STXBP5L: variants seen among roughly 807,000 people sequenced by gnomAD.
STXBP5L encodes syntaxin binding protein 5L.
In STXBP5L, 65 loss-of-function variants were observed where a neutral mutation model predicts 144.5. The ratio of observed to expected loss-of-function variants is 0.45; its 90% confidence interval spans 0.37 to 0.55. STXBP5L has a LOEUF of 0.55. Among genes scored for constraint, STXBP5L ranks in the 20% least tolerant of loss-of-function variants. The probability of loss-of-function intolerance (pLI) is 0.00; values close to 1 mark genes in which losing one functional copy is unlikely to be tolerated. For missense variants in STXBP5L, 1,298 were observed against 1,405.5 expected, an observed-to-expected ratio of 0.92 and a Z score of 1.22; for synonymous variants, 505 against 469.6, an observed-to-expected ratio of 1.08 and a Z score of -0.97.
intron 20 of STXBP5L, among the ~76,000 whole-genome samples, chr3:121,367,621 T>TTA (rs2045902409): frequency 6.9e-6 from 1 of 144,840 alleles, no homozygotes; most frequent in African/African-American, 2.6e-5. Context: ...TTTTTTTTTT[T>TTA]TAAACAGGTT....
chr3:121,096,281 G>T (rs1312322145), intron 5 of STXBP5L, among the ~76,000 whole-genome samples: 1 of 152,172 alleles, frequency 6.6e-6, no homozygotes, highest in African/African-American at 2.4e-5. Context: ...TTCTTAGCTT[G>T]CTTGCATTGG....
intron 3 of STXBP5L, among the ~76,000 whole-genome samples, chr3:120,974,403 T>A (rs1940678661): frequency 6.6e-6 from 1 of 151,178 alleles, no homozygotes; most frequent in African/African-American, 2.4e-5. Flanking sequence ...GTTTTTTTCT[T>A]GTAAATTTGT....
intron 9 of STXBP5L, chr3:121,158,975 C>T (rs1235403746): frequency 6.6e-6 from 1 of 151,946 alleles, no homozygotes; most frequent in Non-Finnish European, 1.5e-5. Flanking sequence ...AACACATCAG[C>T]CTTGATGTCT....
At chr3:121,006,981 C>T (rs891234390) in intron 3 of STXBP5L, among the ~76,000 whole-genome samples, 2 of 152,148 alleles carry the variant, frequency 1.3e-5, no homozygotes, top group African/African-American at 4.8e-5. Flanking sequence ...CTACCCTTAA[C>T]ATTTTTTCCT....
At chr3:121,069,297 G>A (rs2041697195) in intron 5 of STXBP5L, among the ~76,000 whole-genome samples, 1 of 152,126 alleles carries the variant, frequency 6.6e-6, no homozygotes, top group Non-Finnish European at 1.5e-5. Context: ...ATAATTTCCT[G>A]GAGATTCATT....
In STXBP5L at chr3:121,257,205, C is replaced by T. The variant is rs1052743791; in HGVS notation, c.1704C>T (p.Thr568=). 3 of 1,612,992 alleles carry T rather than the reference C, an allele frequency of 1.9e-6. No homozygotes were observed. The highest frequency in any genetic ancestry group is 2.5e-6 in the Non-Finnish European group (3 of 1,179,490). The stretch of plus-strand genomic sequence containing the variant: ...AGTATGATGTTGAAGATATTATTAC[C>T]CCTGAACCAGAAACAAGTCCTCCGT... ...RLQYDVEDII[T]PEPETSPPFP... Residue 568 remains threonine (T), a synonymous_variant, in exon 17 of 27, where the codon ACC becomes ACT. Coordinates refer to ENST00000471454, the MANE Select transcript of STXBP5L (RefSeq NM_001308330.2).
chr3:121,341,047 GA>G (rs2044691331), intron 20 of STXBP5L, among the ~76,000 whole-genome samples: 1 of 152,020 alleles, frequency 6.6e-6, no homozygotes, highest in South Asian at 2.1e-4. Context: ...CAGAAGAAAG[GA>G]AATAATCAAC....
intron 9 of STXBP5L, among the ~76,000 whole-genome samples, chr3:121,169,873 C>G (rs2046641896): frequency 6.6e-6 from 1 of 152,158 alleles, no homozygotes; most frequent in Non-Finnish European, 1.5e-5. Context: ...AACTCTCCAC[C>G]CCAAATCAAC....
At chr3:121,009,250 GAAAT>G (rs779017524) in intron 3 of STXBP5L, among the ~76,000 whole-genome samples, 76 of 152,016 alleles carry the variant, frequency 5.0e-4, no homozygotes, top group Admixed American at 1.4e-3. Context: ...ATTGACATAA[GAAAT>G]AAGAATCCAC....
chr3:121,197,417 C>G (rs974720123), intron 9 of STXBP5L, among the ~76,000 whole-genome samples: 1 of 151,948 alleles, frequency 6.6e-6, no homozygotes, highest in African/African-American at 2.4e-5. Flanking sequence ...TATGTTCATG[C>G]CTTTTTTCCT....
chr3:121,351,320 G>A (rs1424936850), intron 20 of STXBP5L, among the ~76,000 whole-genome samples: 1 of 152,126 alleles, frequency 6.6e-6, no homozygotes, highest in Non-Finnish European at 1.5e-5. Context: ...TCCTCTGGAA[G>A]TTTTGTCTCA....
intron 7 of STXBP5L, among the ~76,000 whole-genome samples, chr3:121,131,522 T>A (rs960723155): frequency 6.6e-6 from 1 of 152,222 alleles, no homozygotes; most frequent in East Asian, 1.9e-4. Context: ...GGCCTGCCTG[T>A]TATTATTTTA....
intron 3 of STXBP5L, among the ~76,000 whole-genome samples, chr3:121,039,615 A>C (rs1018338921): frequency 4.6e-5 from 7 of 151,754 alleles, no homozygotes; most frequent in South Asian, 2.1e-4. Flanking sequence ...CATTCCTTTT[A>C]GTGCAGGTCT....
chr3:120,965,230 T>C (rs550611004), intron 3 of STXBP5L, among the ~76,000 whole-genome samples: 2 of 152,324 alleles, frequency 1.3e-5, no homozygotes, highest in Admixed American at 1.3e-4. Context: ...TGACTGTTTA[T>C]CCAATTTGCC....
chr3:121,142,824 C>T (rs1278748539), intron 7 of STXBP5L, among the ~76,000 whole-genome samples: 2 of 151,490 alleles, frequency 1.3e-5, no homozygotes, highest in Admixed American at 1.3e-4. Context: ...ACAACTTTAC[C>T]TCAAGGAACT....
At chr3:121,299,892 G>A (rs1222143595) in intron 19 of STXBP5L, among the ~76,000 whole-genome samples, 2 of 150,356 alleles carry the variant, frequency 1.3e-5, no homozygotes. Flanking sequence ...GAGGTTGGAG[G>A]ATTGCTTGAG....
chr3:121,151,411 T>C (rs1284517308), intron 7 of STXBP5L, among the ~76,000 whole-genome samples: 1 of 152,162 alleles, frequency 6.6e-6, no homozygotes, highest in East Asian at 1.9e-4. Context: ...TGAACTGATA[T>C]TTGAAACCTT....
At chr3:121,048,286 C>A (rs541163598) in intron 5 of STXBP5L, among the ~76,000 whole-genome samples, 1 of 152,178 alleles carries the variant, frequency 6.6e-6, no homozygotes, top group South Asian at 2.1e-4. Flanking sequence ...CACTTTTTCC[C>A]TTTTCTTTCA....
chr3:121,007,366 G>C (rs1337234625), intron 3 of STXBP5L, among the ~76,000 whole-genome samples: 2 of 151,834 alleles, frequency 1.3e-5, no homozygotes, highest in Non-Finnish European at 2.9e-5. Context: ...GTTTTGGCTG[G>C]TGTAGTTATT....
Sources: allele counts gnomAD v4.1 joint callset (sites outside exome capture counted in the v4.1 genomes callset), GRCh38; gene constraint gnomAD v4.1.1; transcripts MANE v1.5; gene names NCBI Gene and HGNC (gene_info 2026-07-23, HGNC 2026-07-21).